The following UCKL1 variants were observed in gnomAD, a reference collection of about 807,000 sequenced individuals.
UCKL1 encodes uridine-cytidine kinase 1 like 1.
Under a neutral mutation model 59.2 loss-of-function variants are expected in UCKL1, and 65 were observed. The observed-to-expected ratio is 1.10, with a 90% confidence interval of 0.90 to 1.35. The LOEUF (loss-of-function observed/expected upper bound fraction) is 1.35, where lower values mean the gene tolerates loss of function less well. UCKL1 is among the 40% of genes most tolerant of loss of function. The probability of loss-of-function intolerance (pLI) is 0.00; values close to 1 mark genes in which losing one functional copy is unlikely to be tolerated. For synonymous variants in UCKL1, 410 were observed against 323.1 expected, an observed-to-expected ratio of 1.27 and a Z score of -2.88; for missense variants, 703 against 784.3, an observed-to-expected ratio of 0.90 and a Z score of 1.24.
At chr20:63,943,797 G>C (rs1569057662) in intron 7 of UCKL1, 128 bp from the exon 8 acceptor site, 4 of 1,368,820 alleles carry the variant, frequency 2.9e-6, no homozygotes, top group Non-Finnish European at 4.1e-6. Flanking sequence ...GCCATGGGGG[G>C]TGGCAAGCTT....
At chr20:63,951,172 CA>C in intron 1 of UCKL1, 1 of 1,041,224 alleles carries the variant, frequency 9.6e-7, no homozygotes, top group East Asian at 7.4e-5. Context: ...AGGCCACAGG[CA>C]TAAGAGGATC....
rs944890446 is a variant in UCKL1, at chr20:63,956,159, G to C, written c.113+101C>G. 10 of 1,138,386 alleles carry C rather than the reference G, an allele frequency of 8.8e-6. No individual in the cohort carries two copies. In the African/African-American group the frequency reaches 1.3e-4, roughly 15 times the overall value. 70.5% of individuals were successfully genotyped at this position (1,138,386 alleles called of 1,614,324 possible). A position where few individuals can be genotyped will look rare whatever the true frequency, so the allele number is the denominator to read the frequency against. On this transcript the variant is annotated intron_variant, in intron 1 of 14. Transcript: ENST00000354216. ...GCCGCCGCCTGGCCTCCGGGAGTGGGGGACTTGGGCTCGCGGCGGGGACGG... is the reference window on the plus strand; with the variant it reads ...GCCGCCGCCTGGCCTCCGGGAGTGGCGGACTTGGGCTCGCGGCGGGGACGG...
At chr20:63,954,440 TGGAACGGTGGTGGA>T (rs1000467124) in intron 1 of UCKL1, 12 of 152,398 alleles carry the variant, frequency 7.9e-5, no homozygotes, top group African/African-American at 2.9e-4. Context: ...CAGGAGGCAC[TGGAACGGTGGTGGA>T]GGAACCCCAG....
At chr20:63,950,750 G>C (rs770966979) in intron 1 of UCKL1, 22 of 1,526,840 alleles carry the variant, frequency 1.4e-5, no homozygotes, top group Non-Finnish European at 1.9e-5. Flanking sequence ...ACCTCCAGTC[G>C]AGACTCACCT....
chr20:63,945,769 GC>G, intron 4 of UCKL1, 35 bp downstream of exon 4: 1 of 1,612,780 alleles, frequency 6.2e-7, no homozygotes, highest in Non-Finnish European at 8.5e-7. Context: ...TGTGCCTGCA[GC>G]CCCCCGAGGC....
chr20:63,943,790 A>G lies in UCKL1; in HGVS notation c.907-121T>C. ...CAGGCCCGCGGGGACACAGCCAGCC[A>G]TGGGGGGTGGCAAGCTTCTAATGCC... On this transcript the variant is annotated intron_variant, in intron 7 of 14. Transcript: ENST00000354216. 1.0e-5 allele frequency: 15 copies of G among 1,432,980 alleles called. No individual in the cohort carries two copies. In the South Asian group the frequency reaches 1.8e-4, roughly 17 times the overall value. 88.8% of individuals were successfully genotyped at this position (1,432,980 alleles called of 1,614,324 possible).
At chr20:63,951,745 CAG>C (rs1339508743) in intron 1 of UCKL1, among the ~76,000 whole-genome samples, 1 of 151,766 alleles carries the variant, frequency 6.6e-6, no homozygotes, top group African/African-American at 2.4e-5. Context: ...CAGCAGGGCA[CAG>C]GGGACACAGC....
At position 63,940,795 on chromosome 20, in the gene UCKL1, TGCTTCCCCGCATAGC is replaced by T. The variant is rs1359024397; in HGVS notation, c.1163_1177del (p.Cys388_Gln393delinsTer). The T allele has an allele frequency of 1.9e-6, 3 of 1,589,740 alleles. No homozygotes were observed. The highest frequency in any genetic ancestry group is 1.7e-6 in the Non-Finnish European group (2 of 1,169,600). ...GCCCAGGTGTGCCCAGGCAGGTACC[TGCTTCCCCGCATAGC>T]ACTTGCCCGCATAGTCCTGCCCCTG... On this transcript the variant is annotated stop_gained and inframe_deletion and splice_region_variant, in exon 11 of 15. Coordinates refer to ENST00000354216, the MANE Select transcript of UCKL1 (RefSeq NM_017859.4). LOFTEE classifies it high-confidence loss of function.
chr20:63,945,213 C>A (rs1374073001), intron 5 of UCKL1, among the ~76,000 whole-genome samples: 1 of 152,150 alleles, frequency 6.6e-6, no homozygotes. Flanking sequence ...CTGCTATGTG[C>A]CGGATGATGG....
intron 9 of UCKL1, 32 bp from the exon 10 acceptor site, chr20:63,941,075 GC>G: frequency 6.3e-7 from 1 of 1,597,840 alleles, no homozygotes; most frequent in Non-Finnish European, 8.5e-7. Flanking sequence ...GGGAGCACGC[GC>G]CCGGGGCCGC....
chr20:63,947,523 AG>A (rs2056576643), intron 1 of UCKL1, among the ~76,000 whole-genome samples: 1 of 152,170 alleles, frequency 6.6e-6, no homozygotes, highest in Non-Finnish European at 1.5e-5. Context: ...TCAGGGAGAG[AG>A]GCAGAGGGCT....
Position 63,946,548 on chromosome 20 carries a change from G to A in UCKL1, c.209C>T (p.Pro70Leu), listed in dbSNP as rs370418700. Residue 70 changes from proline to leucine, a missense_variant, in exon 2 of 15, where the codon CCC (proline) becomes CTC (leucine). Around this residue, in one of 4 missense-constraint regions of UCKL1, gnomAD observed 398 missense variants for 373.0 expected, o/e 1.07. Coordinates refer to ENST00000354216, the MANE Select transcript of UCKL1 (RefSeq NM_017859.4). ...GGTACGCTTGCTTGTACGCAGCAGG[G>A]GAGGCTCTGACTTGCACTGGCTGGT... ...RTTSQCKSEP[P>L]LLRTSKRTIY... 6.2e-7 allele frequency: 1 copy of A among 1,610,468 alleles called. No homozygotes were observed. The highest frequency in any genetic ancestry group is 1.3e-5 in the African/African-American group (1 of 74,860).
rs942655549 is a variant in UCKL1, at chr20:63,940,946, G to A, written c.1116+4C>T. 2 of 1,521,898 alleles carry A rather than the reference G, an allele frequency of 1.3e-6. No individual in the cohort carries two copies. Among genetic ancestry groups the A allele is most frequent in the Non-Finnish European group, 1.8e-6 (2 of 1,133,438 alleles). The allele number at this position is 1,521,898 out of a possible 1,614,324, so 94.3% of individuals were successfully genotyped here. ...CTCCACCTCGCGGGCTACGGGCTAC[G>A]AACCTGAAAGGGCAGGAAGGAGAGC... On this transcript the variant is annotated splice_donor_region_variant and intron_variant, in intron 10 of 14. Transcript: ENST00000354216.
At position 63,940,593 on chromosome 20, in the gene UCKL1, C is replaced by T; in HGVS notation, c.1302+1G>A. 3 of 1,607,834 alleles carry T rather than the reference C, an allele frequency of 1.9e-6. No individual in the cohort carries two copies. In the South Asian group the frequency reaches 3.3e-5, roughly 18 times the overall value. On this transcript the variant is annotated splice_donor_variant, in intron 12 of 14. Coordinates refer to ENST00000354216, the MANE Select transcript of UCKL1 (RefSeq NM_017859.4). LOFTEE classifies it high-confidence loss of function. ...TCATCACCCCGGCTGCCCCCAGGCA[C>T]CTCGGGCTCCCCGGTAAGCTGGTTG...
intron 5 of UCKL1, 85 bp downstream of exon 5, chr20:63,945,566 G>T: frequency 7.0e-7 from 1 of 1,418,988 alleles, no homozygotes. Context: ...AGGCCTTGGG[G>T]ACAGGGCAGG....
intron 8 of UCKL1, among the ~76,000 whole-genome samples, chr20:63,941,810 G>A (rs1307548662): frequency 6.6e-6 from 1 of 151,946 alleles, no homozygotes; most frequent in Non-Finnish European, 1.5e-5. Flanking sequence ...AAAGAGGTGG[G>A]ACAGGGAGGA....
At chr20:63,947,430 G>T in intron 1 of UCKL1, among the ~76,000 whole-genome samples, 1 of 152,332 alleles carries the variant, frequency 6.6e-6, no homozygotes, top group East Asian at 1.9e-4. Context: ...ACGTGAGGGC[G>T]GCGTGTGGGT....
Position 63,946,999 on chromosome 20 carries a change from G to A in UCKL1, c.114-356C>T, listed in dbSNP as rs181869068. The stretch of plus-strand genomic sequence containing the variant: ...CTAGGGAGGCTGAGGCAGGAGAATG[G>A]CTTGAACCCGGGAGGTGGAGATTGC... On this transcript the variant is annotated intron_variant, in intron 1 of 14. Coordinates refer to ENST00000354216, the MANE Select transcript of UCKL1 (RefSeq NM_017859.4). 3.3e-3 allele frequency among the ~76,000 whole-genome samples: 500 copies of A among 152,098 alleles called. 3 individuals are homozygous for A. The highest frequency in any genetic ancestry group is 0.012 in the African/African-American group (489 of 41,502).
intron 1 of UCKL1, chr20:63,951,184 A>C (rs2057533657): frequency 9.7e-7 from 1 of 1,026,500 alleles, no homozygotes; most frequent in Non-Finnish European, 1.2e-6. Flanking sequence ...TAAGAGGATC[A>C]CCCAGCTGGG....
Sources: gnomAD v4.1 joint callset for allele counts (sites outside exome capture counted in the v4.1 genomes callset) on GRCh38, gnomAD v4.1.1 for gene constraint, gnomAD v4.1.1 regional missense constraint, MANE v1.5 for transcripts, NCBI Gene and HGNC (gene_info 2026-07-23, HGNC 2026-07-21) for gene names.